ANKRD33B: variants seen among roughly 807,000 people sequenced by gnomAD.
The protein encoded by ANKRD33B is ankyrin repeat domain-containing protein 33B.
Under a neutral mutation model 21.5 loss-of-function variants are expected in ANKRD33B, and 6 were observed. That is an observed-to-expected ratio of 0.28 (90% CI 0.15 to 0.55). ANKRD33B has a LOEUF of 0.55. ANKRD33B is among the 20% of genes least tolerant of loss of function. The pLI is 0.94. For missense variants in ANKRD33B, 698 were observed against 747.2 expected, an observed-to-expected ratio of 0.93 and a Z score of 0.77; for synonymous variants, 347 against 342.4, an observed-to-expected ratio of 1.01 and a Z score of -0.15.
At chr5:10,587,053 C>T (rs1338474194) in intron 1 of ANKRD33B, among the ~76,000 whole-genome samples, 1 of 152,000 alleles carries the variant, frequency 6.6e-6, no homozygotes, top group Non-Finnish European at 1.5e-5. Flanking sequence ...CTCGCTCTGT[C>T]GCCCAAGCTG....
At chr5:10,603,979 C>T (rs940991633) in intron 1 of ANKRD33B, among the ~76,000 whole-genome samples, 1 of 150,896 alleles carries the variant, frequency 6.6e-6, no homozygotes. Flanking sequence ...ACTATAACCT[C>T]TGCCTCCTGG....
At chr5:10,565,850 T>G (rs994619779) in intron 1 of ANKRD33B, among the ~76,000 whole-genome samples, 2 of 152,214 alleles carry the variant, frequency 1.3e-5, no homozygotes, top group Non-Finnish European at 2.9e-5. Context: ...AGATGCAGCC[T>G]AGCACAAATG....
chr5:10,632,493 G>C (rs78293251), intron 2 of ANKRD33B, among the ~76,000 whole-genome samples: 28,747 of 152,090 alleles, frequency 0.19, 3,004 homozygotes, highest in Non-Finnish European at 0.24. Context: ...GGGGCCAGGC[G>C]TCATTTCCAG....
intron 1 of ANKRD33B, among the ~76,000 whole-genome samples, chr5:10,613,281 ATTTTT>A (rs10572843): frequency 0.83 from 109,789 of 131,576 alleles, 45,694 homozygotes; most frequent in East Asian, 0.94. Context: ...CTTAATGAGG[ATTTTT>A]TTTTTTTTTT....
In ANKRD33B at chr5:10,576,611, C is replaced by A. The variant is rs547050197; in HGVS notation, c.366+11778C>A. Among the ~76,000 whole-genome samples, 2 of 152,120 alleles carry A rather than the reference C, an allele frequency of 1.3e-5. No individual in the cohort carries two copies. Among genetic ancestry groups the A allele is most frequent in the Admixed American group, 6.5e-5 (1 of 15,274 alleles). On this transcript the variant is annotated intron_variant, in intron 1 of 3. Transcript: ENST00000296657. The surrounding 1 kb of genome is among the most constrained non-coding windows in gnomAD (Gnocchi z 4.1). Reference sequence around the variant, plus strand: ...TCCTAGAGGTTCTAGGCAGAACTAACGAGTAAGTTACAGAGAATGTGCTTG... The same window carrying A: ...TCCTAGAGGTTCTAGGCAGAACTAAAGAGTAAGTTACAGAGAATGTGCTTG...
chr5:10,572,419 C>T (rs1277842434), intron 1 of ANKRD33B, among the ~76,000 whole-genome samples: 4 of 152,126 alleles, frequency 2.6e-5, no homozygotes, highest in Admixed American at 6.5e-5. Context: ...GCAATGGAGC[C>T]TTTGAGAAGC....
chr5:10,639,783 G>C (rs867502953), intron 3 of ANKRD33B, among the ~76,000 whole-genome samples: 3 of 8,282 alleles, frequency 3.6e-4, no homozygotes, highest in African/African-American at 7.3e-4. Context: ...GCGATGTTAG[G>C]CGGTGACGCG....
intron 1 of ANKRD33B, among the ~76,000 whole-genome samples, chr5:10,596,125 C>G (rs1049903438): frequency 6.6e-6 from 1 of 152,176 alleles, no homozygotes; most frequent in Admixed American, 6.5e-5. Context: ...GTACCAGCAC[C>G]CTTTAAAATT....
rs1288971801 is a variant in ANKRD33B, at chr5:10,657,403, A to G, written c.*7290A>G. 1 of 152,358 alleles carries G rather than the reference A, an allele frequency of 6.6e-6. No homozygotes were observed. Among genetic ancestry groups the G allele is most frequent in the Non-Finnish European group, 1.5e-5 (1 of 68,038 alleles). 9.4% of individuals were successfully genotyped at this position (152,358 alleles called of 1,614,324 possible). ...TTTCAAGTTAGGTCCTCTTAGTATA[A>G]GCTCTCTTTTTTTCTGAATGTAAAC... On this transcript the variant is annotated 3_prime_UTR_variant, in exon 4 of 4. Coordinates refer to ENST00000296657, the MANE Select transcript of ANKRD33B (RefSeq NM_001164440.2).
In ANKRD33B at chr5:10,657,500, CTG is replaced by C. The variant is rs149492805; in HGVS notation, c.*7391_*7392del. 0.016 allele frequency: 2,443 copies of C among 152,334 alleles called. 69 individuals carry two copies. The highest frequency in any genetic ancestry group is 0.056 in the African/African-American group (2,316 of 41,508). 9.4% of individuals were successfully genotyped at this position (152,334 alleles called of 1,614,324 possible). ...GTAAAGATACTGAGTACAGATATAA[CTG>C]TGTAAATTTCATAGTGTTTTATTTT... On this transcript the variant is annotated 3_prime_UTR_variant, in exon 4 of 4. Transcript: ENST00000296657.
intron 1 of ANKRD33B, among the ~76,000 whole-genome samples, chr5:10,587,507 A>G (rs1409949943): frequency 1.3e-5 from 2 of 151,822 alleles, no homozygotes; most frequent in African/African-American, 2.4e-5. Flanking sequence ...ACAACATTGA[A>G]TAGTAATATT....
At chr5:10,604,522 AAAG>A (rs1416230777) in intron 1 of ANKRD33B, among the ~76,000 whole-genome samples, 5 of 147,268 alleles carry the variant, frequency 3.4e-5, no homozygotes, top group African/African-American at 1.3e-4. Context: ...AAAAAAAAAA[AAAG>A]AAAAAAAAAA....
intron 1 of ANKRD33B, among the ~76,000 whole-genome samples, chr5:10,604,993 T>G (rs1736013021): frequency 6.6e-6 from 1 of 152,186 alleles, no homozygotes; most frequent in Admixed American, 6.5e-5. Context: ...TGAGTTGCAG[T>G]GGGATGCTGG....
At chr5:10,578,236 C>T (rs1357972932) in intron 1 of ANKRD33B, among the ~76,000 whole-genome samples, 1 of 152,164 alleles carries the variant, frequency 6.6e-6, no homozygotes, top group Admixed American at 6.5e-5. Context: ...TGGGAAACCC[C>T]TCTGTCCCCA....
chr5:10,568,534 C>T (rs528839002), intron 1 of ANKRD33B, among the ~76,000 whole-genome samples: 2 of 152,186 alleles, frequency 1.3e-5, no homozygotes, highest in Admixed American at 6.6e-5. Flanking sequence ...TCTGCTTCTG[C>T]GTGTTCGTGT....
intron 1 of ANKRD33B, 52 bp from the exon 2 acceptor site, chr5:10,618,281 C>G (rs1231021866): frequency 6.5e-7 from 1 of 1,535,058 alleles, no homozygotes. Flanking sequence ...CAGTGCTGAC[C>G]CACCATGCTC....
At chr5:10,582,757 C>G (rs957090064) in intron 1 of ANKRD33B, among the ~76,000 whole-genome samples, 2 of 152,210 alleles carry the variant, frequency 1.3e-5, no homozygotes, top group African/African-American at 4.8e-5. Context: ...GAGTTCCCCT[C>G]CCATGGACTT....
chr5:10,597,135 A>T (rs903722689), intron 1 of ANKRD33B, among the ~76,000 whole-genome samples: 2 of 152,224 alleles, frequency 1.3e-5, no homozygotes, highest in Non-Finnish European at 2.9e-5. Flanking sequence ...CAACATAAAC[A>T]ACTCTGCAAA....
rs367783306 is a variant in ANKRD33B, at chr5:10,632,271, A to G, written c.497-5757A>G. Among the ~76,000 whole-genome samples, 11 of 152,188 alleles carry G rather than the reference A, an allele frequency of 7.2e-5. 1 individual carries two copies. In the East Asian group the frequency reaches 1.5e-3, roughly 21 times the overall value. ...CTATGAACTTGAAGATGAGTCATCCAGGAGAGGGGTTTGCGTGAGGTCGGT... is the reference window on the plus strand; with the variant it reads ...CTATGAACTTGAAGATGAGTCATCCGGGAGAGGGGTTTGCGTGAGGTCGGT... On this transcript the variant is annotated intron_variant, in intron 2 of 3. Coordinates refer to ENST00000296657, the MANE Select transcript of ANKRD33B (RefSeq NM_001164440.2).
Sources: allele counts gnomAD v4.1 joint callset (sites outside exome capture counted in the v4.1 genomes callset), GRCh38; gene constraint gnomAD v4.1.1; non-coding constraint Gnocchi (gnomAD v3.1); transcripts MANE v1.5; gene names NCBI Gene and HGNC (gene_info 2026-07-23, HGNC 2026-07-21).